Variants in MSI2 observed in about 807,000 individuals in gnomAD.
The protein encoded by MSI2 is RNA-binding protein Musashi homolog 2.
Under a neutral mutation model 45.6 loss-of-function variants are expected in MSI2, and 17 were observed. That is an observed-to-expected ratio of 0.37 (90% CI 0.26 to 0.56). The LOEUF is 0.56. MSI2 is among the 20% of genes least tolerant of loss of function. The pLI, the probability that MSI2 is intolerant of heterozygous loss-of-function variation, is 0.77. For missense variants in MSI2, 293 were observed against 444.2 expected (o/e 0.66, Z 3.06); for synonymous variants, 156 against 158.2 (o/e 0.99, Z 0.11).
chr17:57,530,304 A>G lies in MSI2; in HGVS notation c.454+580A>G, dbSNP rs534178198. Among the ~76,000 whole-genome samples the G allele has an allele frequency of 2.6e-5, 4 of 152,308 alleles. No individual in the cohort carries two copies. In the South Asian group the frequency reaches 6.2e-4, roughly 24 times the overall value. On this transcript the variant is annotated intron_variant, in intron 7 of 13. Transcript: ENST00000284073. ...AAAAATGGGTCTTAACCTGGAGTCT[A>G]TGAACCTCTGCAATGACATGCAAAA...
chr17:57,648,113 C>T (rs1384214778), intron 10 of MSI2, among the ~76,000 whole-genome samples: 1 of 150,644 alleles, frequency 6.6e-6, no homozygotes, highest in African/African-American at 2.5e-5. Flanking sequence ...CAAGCATGCA[C>T]CACCATGCCT....
chr17:57,623,707 GTGGC>G (rs1287363542), intron 9 of MSI2, among the ~76,000 whole-genome samples: 2 of 152,176 alleles, frequency 1.3e-5, no homozygotes, highest in Non-Finnish European at 2.9e-5. Flanking sequence ...AATGGAAGTG[GTGGC>G]TGGGTCATCC....
At chr17:57,570,930 G>A (rs537768921) in intron 7 of MSI2, among the ~76,000 whole-genome samples, 1 of 152,296 alleles carries the variant, frequency 6.6e-6, no homozygotes, top group East Asian at 1.9e-4. Flanking sequence ...AGACCAGCAT[G>A]GGAAGAAGGC....
At chr17:57,377,768 C>T (rs2083524436) in intron 5 of MSI2, among the ~76,000 whole-genome samples, 1 of 152,168 alleles carries the variant, frequency 6.6e-6, no homozygotes, top group Non-Finnish European at 1.5e-5. Context: ...TCCACTCGCT[C>T]CATCCCACTT....
chr17:57,613,005 C>A (rs1338940719), intron 8 of MSI2, among the ~76,000 whole-genome samples: 1 of 152,144 alleles, frequency 6.6e-6, no homozygotes, highest in Non-Finnish European at 1.5e-5. Context: ...CCAGTTTTCA[C>A]CCCTGGGCTT....
chr17:57,392,403 G>A (rs373265455), intron 5 of MSI2, among the ~76,000 whole-genome samples: 1 of 152,192 alleles, frequency 6.6e-6, no homozygotes, highest in Non-Finnish European at 1.5e-5. Context: ...TTCATTACAA[G>A]ATCACCTTCT....
At chr17:57,563,746 G>GCGCGCA (rs534460755) in intron 7 of MSI2, among the ~76,000 whole-genome samples, 37 of 139,394 alleles carry the variant, frequency 2.7e-4, no homozygotes, top group South Asian at 1.2e-3. Context: ...ACACAGGCGC[G>GCGCGCA]CACACACACA....
At chr17:57,464,569 C>T (rs1349794280) in intron 6 of MSI2, among the ~76,000 whole-genome samples, 1 of 152,134 alleles carries the variant, frequency 6.6e-6, no homozygotes, top group Non-Finnish European at 1.5e-5. Flanking sequence ...ATCCATTTCT[C>T]TGAGGATGGC....
At chr17:57,607,531 G>T (rs1225514204) in intron 8 of MSI2, among the ~76,000 whole-genome samples, 1 of 152,180 alleles carries the variant, frequency 6.6e-6, no homozygotes, top group Non-Finnish European at 1.5e-5. Flanking sequence ...CCACACGCTG[G>T]TCCCTGTCCA....
At chr17:57,426,428 G>A (rs80218747) in intron 6 of MSI2, among the ~76,000 whole-genome samples, 5,379 of 152,098 alleles carry the variant, frequency 0.035, 112 homozygotes, top group Middle Eastern at 0.085. Context: ...TCTTGTGTGC[G>A]TCCTCACGGC....
intron 6 of MSI2, among the ~76,000 whole-genome samples, chr17:57,460,346 T>G (rs113477742): frequency 0.037 from 5,416 of 146,160 alleles, 327 homozygotes; most frequent in African/African-American, 0.13. Context: ...AGGCAGGAAG[T>G]TAGGGAGGGA....
intron 7 of MSI2, among the ~76,000 whole-genome samples, chr17:57,567,194 G>A (rs1030046483): frequency 3.9e-5 from 6 of 152,100 alleles, no homozygotes; most frequent in Non-Finnish European, 7.4e-5. Context: ...CCGGAGTATC[G>A]CAGGGAGTAA....
At chr17:57,295,142 G>A (rs1243781279) in intron 5 of MSI2, among the ~76,000 whole-genome samples, 1 of 152,182 alleles carries the variant, frequency 6.6e-6, no homozygotes, top group Non-Finnish European at 1.5e-5. Flanking sequence ...TGGGTCCTGG[G>A]GTTTAGCTTC....
chr17:57,647,889 G>T (rs532856052), intron 10 of MSI2, among the ~76,000 whole-genome samples: 1 of 147,138 alleles, frequency 6.8e-6, no homozygotes, highest in African/African-American at 2.5e-5. Flanking sequence ...TGATCCTCCC[G>T]CCTCAGCCTC....
At chr17:57,277,023 C>T (rs951962074) in intron 5 of MSI2, among the ~76,000 whole-genome samples, 4 of 149,316 alleles carry the variant, frequency 2.7e-5, no homozygotes, top group South Asian at 2.1e-4. Flanking sequence ...CTTTCTTCTA[C>T]GGACTGGGGG....
intron 7 of MSI2, among the ~76,000 whole-genome samples, chr17:57,563,513 C>T (rs77783135): frequency 0.076 from 11,594 of 152,170 alleles, 506 homozygotes; most frequent in East Asian, 0.13. Flanking sequence ...AGCTGGGAAG[C>T]GGGCTCTGGG....
At chr17:57,283,831 G>A (rs1442245627) in intron 5 of MSI2, among the ~76,000 whole-genome samples, 1 of 152,202 alleles carries the variant, frequency 6.6e-6, no homozygotes, top group Non-Finnish European at 1.5e-5. Flanking sequence ...GGGTCCAGGG[G>A]AATGTGTGTC....
At chr17:57,439,044 C>T (rs1033785231) in intron 6 of MSI2, among the ~76,000 whole-genome samples, 13 of 152,056 alleles carry the variant, frequency 8.5e-5, no homozygotes, top group Non-Finnish European at 1.6e-4. Flanking sequence ...TCAGGTGATC[C>T]GCAGAGGCAT....
intron 6 of MSI2, among the ~76,000 whole-genome samples, chr17:57,483,513 C>T (rs566150584): frequency 2.6e-5 from 4 of 152,222 alleles, no homozygotes; most frequent in South Asian, 2.1e-4. Flanking sequence ...TGCGGGGCCA[C>T]GCTTTGAGAA....
Sources: allele counts gnomAD v4.1 joint callset (sites outside exome capture counted in the v4.1 genomes callset), GRCh38; gene constraint gnomAD v4.1.1; transcripts MANE v1.5; gene names NCBI Gene and HGNC (gene_info 2026-07-23, HGNC 2026-07-21).